Variants in ZNF423 observed in about 807,000 individuals in gnomAD.
The protein encoded by ZNF423 is zinc finger protein 423.
In ZNF423, 12 loss-of-function variants were observed where a neutral mutation model predicts 95.8. The observed-to-expected ratio is 0.13, with a 90% confidence interval of 0.08 to 0.20. ZNF423 has a LOEUF of 0.20. Among genes scored for constraint, ZNF423 ranks in the 10% least tolerant of loss-of-function variants. ZNF423 has a pLI of 1.00. For synonymous variants in ZNF423, 749 were observed against 711.9 expected (o/e 1.05, Z -0.83); for missense variants, 1,316 against 1,737.1 (o/e 0.76, Z 4.31).
At chr16:49,684,644 C>G (rs1183117142) in intron 3 of ZNF423, among the ~76,000 whole-genome samples, 1 of 152,184 alleles carries the variant, frequency 6.6e-6, no homozygotes, top group African/African-American at 2.4e-5. Flanking sequence ...CAGGACGTAA[C>G]TCTCCTTCAG....
chr16:49,796,899 A>C (rs1475849423), intron 1 of ZNF423, among the ~76,000 whole-genome samples: 1 of 152,130 alleles, frequency 6.6e-6, no homozygotes, highest in East Asian at 1.9e-4. Flanking sequence ...AAATAACTTT[A>C]AGCACCCATA....
intron 1 of ZNF423, among the ~76,000 whole-genome samples, chr16:49,849,674 G>A (rs1460353417): frequency 6.6e-6 from 1 of 152,024 alleles, no homozygotes; most frequent in Non-Finnish European, 1.5e-5. Context: ...GGGAGGGGAG[G>A]TAAACAGAGG....
intron 3 of ZNF423, among the ~76,000 whole-genome samples, chr16:49,691,849 G>A (rs994961188): frequency 6.6e-6 from 1 of 152,242 alleles, no homozygotes; most frequent in Non-Finnish European, 1.5e-5. Flanking sequence ...CTATAAGCCT[G>A]GGGCTGAGCA....
chr16:49,804,187 G>A (rs565360409), intron 1 of ZNF423, among the ~76,000 whole-genome samples: 6 of 151,990 alleles, frequency 3.9e-5, no homozygotes, highest in South Asian at 2.1e-4. Flanking sequence ...TGCCCATCTC[G>A]GCCTCCCAAA....
chr16:49,517,602 T>C (rs938387693), intron 7 of ZNF423, among the ~76,000 whole-genome samples: 1 of 152,190 alleles, frequency 6.6e-6, no homozygotes, highest in Non-Finnish European at 1.5e-5. Context: ...TTTCTTTTTC[T>C]CTTGCTTTCA....
At chr16:49,789,329 A>G (rs937852639) in intron 2 of ZNF423, among the ~76,000 whole-genome samples, 158 bp downstream of exon 2, 2 of 152,160 alleles carry the variant, frequency 1.3e-5, no homozygotes, top group Non-Finnish European at 2.9e-5. Context: ...GACCATATGG[A>G]ACTGATATAA....
intron 2 of ZNF423, among the ~76,000 whole-genome samples, chr16:49,734,770 C>T (rs1040927613): frequency 1.3e-5 from 2 of 152,226 alleles, no homozygotes; most frequent in Admixed American, 6.5e-5. Context: ...ATGCTTTCCA[C>T]GATGGACAAC....
intron 3 of ZNF423, among the ~76,000 whole-genome samples, chr16:49,681,465 C>T (rs570407890): frequency 2.0e-5 from 3 of 152,342 alleles, no homozygotes; most frequent in South Asian, 2.1e-4. Context: ...TTCACATCAG[C>T]GACAGGCTTT....
chr16:49,716,154 G>C (rs2032700657), intron 3 of ZNF423, among the ~76,000 whole-genome samples: 1 of 152,014 alleles, frequency 6.6e-6, no homozygotes, highest in South Asian at 2.1e-4. Flanking sequence ...GTACAGGCTG[G>C]GTGCCCACAG....
intron 1 of ZNF423, among the ~76,000 whole-genome samples, chr16:49,828,032 C>A (rs771733244): frequency 6.6e-6 from 1 of 152,326 alleles, no homozygotes; most frequent in South Asian, 2.1e-4. Flanking sequence ...CAAGCCATTT[C>A]GTTGACTCTT....
At chr16:49,560,145 C>T (rs991647125) in intron 5 of ZNF423, among the ~76,000 whole-genome samples, 7 of 152,144 alleles carry the variant, frequency 4.6e-5, no homozygotes, top group Admixed American at 4.6e-4. Flanking sequence ...GCATCGAAGC[C>T]GGTGACAACT....
At position 49,568,891 on chromosome 16, in the gene ZNF423, C is replaced by T. The variant is rs370047270; in HGVS notation, c.3602-43397G>A. Reference sequence around the variant, plus strand: ...TTCTCACATCCTCCTCGTCTGCTCCCCAAAGCTGGTCCCAGGGCCTTCCCA... The same window carrying T: ...TTCTCACATCCTCCTCGTCTGCTCCTCAAAGCTGGTCCCAGGGCCTTCCCA... On this transcript the variant is annotated intron_variant, in intron 5 of 7. Coordinates refer to ENST00000563137, the MANE Select transcript of ZNF423 (RefSeq NM_001379286.1). Among the ~76,000 whole-genome samples, 5 of 152,210 alleles carry T rather than the reference C, an allele frequency of 3.3e-5. No individual in the cohort carries two copies. In the East Asian group the frequency reaches 7.8e-4, roughly 24 times the overall value.
intron 7 of ZNF423, among the ~76,000 whole-genome samples, chr16:49,511,397 G>A (rs1170370731): frequency 6.6e-6 from 1 of 152,182 alleles, no homozygotes; most frequent in African/African-American, 2.4e-5. Flanking sequence ...GCCTCAGCCC[G>A]CAGGCTGCGA....
At chr16:49,567,693 AT>A (rs1970235850) in intron 5 of ZNF423, among the ~76,000 whole-genome samples, 2 of 152,220 alleles carry the variant, frequency 1.3e-5, no homozygotes, top group African/African-American at 4.8e-5. Flanking sequence ...GTGCAAGGAA[AT>A]TAGGTGCATG....
At chr16:49,835,304 G>A (rs1278055972) in intron 1 of ZNF423, among the ~76,000 whole-genome samples, 2 of 152,184 alleles carry the variant, frequency 1.3e-5, no homozygotes, top group Non-Finnish European at 2.9e-5. Flanking sequence ...AGGGTGGAGA[G>A]AAGAATACAG....
At chr16:49,491,914 C>T (rs1035257694) in intron 7 of ZNF423, among the ~76,000 whole-genome samples, 1 of 152,186 alleles carries the variant, frequency 6.6e-6, no homozygotes, top group Non-Finnish European at 1.5e-5. Flanking sequence ...GCCTCTGCTG[C>T]TGGGCTCCGG....
Position 49,789,506 on chromosome 16 carries a change from A to G in ZNF423, c.81T>C (p.Asp27=). ...GEASDFSLAW[D]SSVTAAGGLE... is the part of the protein sequence containing the mutation. ...ATTTACCTGCTGCTGTCACGGAGGA[A>G]TCCCAGGCCAGCGAGAAGTCTGAGG... Residue 27 remains aspartate, a synonymous_variant, in exon 2 of 8, where the codon GAT becomes GAC. Transcript: ENST00000563137. 1 of 1,612,566 alleles carries G rather than the reference A, an allele frequency of 6.2e-7. No homozygotes were observed. The highest frequency in any genetic ancestry group is 8.5e-7 in the Non-Finnish European group (1 of 1,179,588).
intron 1 of ZNF423, among the ~76,000 whole-genome samples, chr16:49,840,138 C>A (rs1253350131): frequency 6.6e-6 from 1 of 152,134 alleles, no homozygotes; most frequent in African/African-American, 2.4e-5. Context: ...AAACCTAAAC[C>A]GTGCCCCAGA....
chr16:49,503,074 C>A (rs1967488587), intron 7 of ZNF423, among the ~76,000 whole-genome samples: 1 of 151,624 alleles, frequency 6.6e-6, no homozygotes, highest in African/African-American at 2.4e-5. Flanking sequence ...CCCCCAGAAA[C>A]ACACACACAC....
Sources: allele counts gnomAD v4.1 joint callset (sites outside exome capture counted in the v4.1 genomes callset), GRCh38; gene constraint gnomAD v4.1.1; transcripts MANE v1.5; gene names NCBI Gene and HGNC (gene_info 2026-07-23, HGNC 2026-07-21).